CCDC102B: variants seen among roughly 807,000 people sequenced by gnomAD.
CCDC102B encodes the protein coiled-coil domain containing 102B.
In CCDC102B, 75 loss-of-function variants were observed where a neutral mutation model predicts 57.4. The observed-to-expected ratio is 1.31, with a 90% CI of 1.08 to 1.58. CCDC102B has a LOEUF of 1.58. Among genes scored for constraint, CCDC102B ranks in the 40% most tolerant of loss-of-function variants. The probability of loss-of-function intolerance (pLI) is 0.00; values close to 1 mark genes in which losing one functional copy is unlikely to be tolerated. For missense variants in CCDC102B, 636 were observed against 582.6 expected (o/e 1.09, Z -0.94); for synonymous variants, 206 against 201.9 (o/e 1.02, Z -0.17).
chr18:68,782,575 C>T (rs1029922193), intron 2 of CCDC102B, among the ~76,000 whole-genome samples: 1 of 151,906 alleles, frequency 6.6e-6, no homozygotes, highest in Admixed American at 6.6e-5. Flanking sequence ...GTTATGATAT[C>T]CTCAGCTTTT....
At chr18:68,855,087 A>G (rs1158555288) in intron 4 of CCDC102B, among the ~76,000 whole-genome samples, 2 of 152,230 alleles carry the variant, frequency 1.3e-5, no homozygotes, top group Non-Finnish European at 2.9e-5. Context: ...ACACCCCATT[A>G]GCAAAAGATT....
chr18:68,859,860 T>A lies in CCDC102B; in HGVS notation c.936+13439T>A, dbSNP rs937432653. Among the ~76,000 whole-genome samples, 2 of 73,308 alleles carry A rather than the reference T, an allele frequency of 2.7e-5. 1 individual carries two copies. The highest frequency in any genetic ancestry group is 7.5e-5 in the African/African-American group (2 of 26,610). The allele number at this position is 73,308 out of a possible 152,430, so 48.1% of individuals were successfully genotyped here. ...CACTTTTACACTGTTGGTGGGACTG[T>A]AAACTAGTTCAACCATTGTGGAGGT... is the stretch of plus-strand genomic sequence containing the variant. On this transcript the variant is annotated intron_variant, in intron 4 of 7. Transcript: ENST00000360242.
At chr18:68,773,293 G>C (rs12607604) in intron 2 of CCDC102B, among the ~76,000 whole-genome samples, 1 of 151,946 alleles carries the variant, frequency 6.6e-6, no homozygotes, top group Non-Finnish European at 1.5e-5. Flanking sequence ...TAGTATAATA[G>C]TAACATGGCA....
intron 2 of CCDC102B, among the ~76,000 whole-genome samples, chr18:68,758,344 T>C (rs1350520539): frequency 6.6e-6 from 1 of 151,906 alleles, no homozygotes; most frequent in Non-Finnish European, 1.5e-5. Context: ...TTTTAACAAA[T>C]CAAATATGAT....
rs150746869 is a variant in CCDC102B, at chr18:69,033,023, T to A, written c.1435-21007T>A. ...AATTCTTGTTAGATTTTTTAAGACA[T>A]CTGTGCCCACTTATCAAATCAATTT... On this transcript the variant is annotated intron_variant, in intron 7 of 7. Transcript: ENST00000360242. Among the ~76,000 whole-genome samples the A allele has an allele frequency of 2.5e-3, 383 of 152,264 alleles. 2 individuals are homozygous for A. The highest frequency in any genetic ancestry group is 8.0e-3 in the African/African-American group (332 of 41,552).
intron 7 of CCDC102B, among the ~76,000 whole-genome samples, chr18:69,047,351 TA>T (rs1431766976): frequency 6.6e-6 from 1 of 152,040 alleles, no homozygotes; most frequent in African/African-American, 2.4e-5. Context: ...CCCTTCATCT[TA>T]AAAACCCTCA....
intron 7 of CCDC102B, 128 bp from the exon 8 acceptor site, chr18:69,053,902 G>T (rs1185233688): frequency 1.5e-6 from 1 of 670,008 alleles, no homozygotes; most frequent in African/African-American, 1.9e-5. Context: ...TAGTTTTGTG[G>T]TGAGAATACT....
intron 4 of CCDC102B, among the ~76,000 whole-genome samples, chr18:68,850,500 G>A (rs1443280816): frequency 6.6e-6 from 1 of 151,956 alleles, no homozygotes; most frequent in East Asian, 1.9e-4. Context: ...CCTGTGATGA[G>A]TTTCGTCTTT....
At chr18:68,961,930 T>C (rs1300743028) in intron 6 of CCDC102B, among the ~76,000 whole-genome samples, 6 of 152,130 alleles carry the variant, frequency 3.9e-5, no homozygotes, top group African/African-American at 1.2e-4. Context: ...TTGAATTTCA[T>C]AGGATGTAGG....
intron 4 of CCDC102B, among the ~76,000 whole-genome samples, chr18:68,848,348 G>T (rs1255613533): frequency 6.6e-6 from 1 of 151,924 alleles, no homozygotes; most frequent in Non-Finnish European, 1.5e-5. Flanking sequence ...ATGAATGTTT[G>T]AATACAAGTG....
At chr18:68,998,989 T>G (rs1263829602) in intron 6 of CCDC102B, among the ~76,000 whole-genome samples, 25 of 75,088 alleles carry the variant, frequency 3.3e-4, no homozygotes, top group African/African-American at 9.3e-4. Context: ...TATATATATA[T>G]ATATATATAT....
chr18:68,992,118 G>T (rs2145327618), intron 6 of CCDC102B, among the ~76,000 whole-genome samples: 1 of 151,088 alleles, frequency 6.6e-6, no homozygotes, highest in South Asian at 2.1e-4. Context: ...TTGGTTCTCT[G>T]ATTCAAAGGA....
At chr18:68,880,267 C>G (rs1019215723) in intron 5 of CCDC102B, among the ~76,000 whole-genome samples, 6 of 152,216 alleles carry the variant, frequency 3.9e-5, no homozygotes, top group African/African-American at 1.4e-4. Flanking sequence ...CCGGGGCCGG[C>G]AGGGCTGGCC....
chr18:68,861,662 A>G (rs1432834771), intron 4 of CCDC102B, among the ~76,000 whole-genome samples: 1 of 152,120 alleles, frequency 6.6e-6, no homozygotes, highest in African/African-American at 2.4e-5. Flanking sequence ...CCTTGTGTGA[A>G]TCCTAGAGGT....
At chr18:69,049,166 C>T (rs1599902034) in intron 7 of CCDC102B, among the ~76,000 whole-genome samples, 1 of 151,850 alleles carries the variant, frequency 6.6e-6, no homozygotes, top group African/African-American at 2.4e-5. Flanking sequence ...CATTAGGTAT[C>T]TCTCCTAATG....
At chr18:69,038,191 A>G (rs1256224225) in intron 7 of CCDC102B, among the ~76,000 whole-genome samples, 4 of 151,928 alleles carry the variant, frequency 2.6e-5, no homozygotes, top group African/African-American at 7.2e-5. Flanking sequence ...ATCAACTTAA[A>G]TAGCATAAAA....
chr18:68,993,772 A>G (rs2050941785), intron 6 of CCDC102B, among the ~76,000 whole-genome samples: 1 of 152,186 alleles, frequency 6.6e-6, no homozygotes, highest in African/African-American at 2.4e-5. Flanking sequence ...TATAAAAATC[A>G]TTGTAAAGAA....
chr18:68,718,197 A>G (rs2032131434), intron 2 of CCDC102B: 1 of 152,386 alleles, frequency 6.6e-6, no homozygotes, highest in Admixed American at 6.5e-5. Flanking sequence ...CCTCACCAAA[A>G]GTCATATACA....
intron 7 of CCDC102B, among the ~76,000 whole-genome samples, chr18:69,032,293 C>T (rs2145446767): frequency 6.6e-6 from 1 of 152,284 alleles, no homozygotes; most frequent in South Asian, 2.1e-4. Context: ...TTTATTAGTG[C>T]TCTCTGCTAT....
Sources: allele counts gnomAD v4.1 joint callset (sites outside exome capture counted in the v4.1 genomes callset), GRCh38; gene constraint gnomAD v4.1.1; transcripts MANE v1.5; gene names NCBI Gene and HGNC (gene_info 2026-07-23, HGNC 2026-07-21).